NRG1: variants seen among roughly 807,000 people sequenced by gnomAD.
NRG1 encodes pro-neuregulin-1, membrane-bound isoform.
In NRG1, 18 loss-of-function variants were observed where a neutral mutation model predicts 63.8. The ratio of observed to expected loss-of-function variants is 0.28; its 90% confidence interval spans 0.19 to 0.42. NRG1 has a LOEUF of 0.42. Ranked by LOEUF, NRG1 falls within the 10% of genes least tolerant of loss-of-function variation. NRG1 has a pLI of 1.00. For synonymous variants in NRG1, 302 were observed against 301.3 expected (o/e 1.00, Z -0.02); for missense variants, 762 against 814.7 (o/e 0.94, Z 0.79).
chr8:32,227,528 C>A (rs1193095456), intron 1 of NRG1, among the ~76,000 whole-genome samples: 1 of 152,130 alleles, frequency 6.6e-6, no homozygotes, highest in African/African-American at 2.4e-5. Flanking sequence ...CTGTTAAAGT[C>A]TTTGAGAACT....
intron 1 of NRG1, among the ~76,000 whole-genome samples, chr8:32,038,287 C>G (rs978746227): frequency 6.6e-6 from 1 of 152,154 alleles, no homozygotes; most frequent in Non-Finnish European, 1.5e-5. Context: ...CCTGCTTTTC[C>G]TCACTGTCTG....
At chr8:31,984,921 T>TG (rs1421385315) in intron 1 of NRG1, among the ~76,000 whole-genome samples, 2 of 152,224 alleles carry the variant, frequency 1.3e-5, no homozygotes, top group East Asian at 3.9e-4. Context: ...GCATTTGCAC[T>TG]GGGGGTCGTT....
chr8:32,605,909 A>C (rs1357250888), intron 3 of NRG1, among the ~76,000 whole-genome samples: 1 of 152,064 alleles, frequency 6.6e-6, no homozygotes, highest in African/African-American at 2.4e-5. Context: ...AAAGGATTTT[A>C]ATAAGGCCAT....
chr8:32,596,458 G>A (rs112638536), intron 2 of NRG1, among the ~76,000 whole-genome samples: 10 of 151,930 alleles, frequency 6.6e-5, no homozygotes, highest in Non-Finnish European at 1.5e-4. Flanking sequence ...ACAAAAAGTA[G>A]CTGGGAGTGG....
At chr8:31,831,658 C>T (rs1328399079) in intron 1 of NRG1, among the ~76,000 whole-genome samples, 1 of 152,108 alleles carries the variant, frequency 6.6e-6, no homozygotes, top group African/African-American at 2.4e-5. Context: ...ATGGAGAGGA[C>T]TAGTTCTTCT....
At chr8:32,267,830 G>A (rs16879068) in intron 1 of NRG1, among the ~76,000 whole-genome samples, 17,471 of 152,084 alleles carry the variant, frequency 0.11, 1,315 homozygotes, top group African/African-American at 0.21. Context: ...GAAAACCATC[G>A]TGCATTTTCC....
At chr8:32,173,506 T>G (rs1429653880) in intron 1 of NRG1, among the ~76,000 whole-genome samples, 1 of 152,062 alleles carries the variant, frequency 6.6e-6, no homozygotes, top group Non-Finnish European at 1.5e-5. Flanking sequence ...ACCTTAAATG[T>G]AAATGGGCTA....
At chr8:32,721,933 A>G (rs974248512) in intron 5 of NRG1, 3 of 1,520,566 alleles carry the variant, frequency 2.0e-6, no homozygotes, top group Non-Finnish European at 2.6e-6. Context: ...ACCTAATTGC[A>G]AAGGAGCTAT....
At chr8:32,501,489 C>T (rs1451041488) in intron 1 of NRG1, among the ~76,000 whole-genome samples, 1 of 152,084 alleles carries the variant, frequency 6.6e-6, no homozygotes, top group East Asian at 1.9e-4. Flanking sequence ...TTCCAGGGGC[C>T]CTCTGGGAAA....
At chr8:32,763,837 C>T (rs1831139911) in exon 12 of NRG1, 1 of 1,613,690 alleles carries the variant, frequency 6.2e-7, no homozygotes, top group Non-Finnish European at 8.5e-7. Context: ...TCGGAAATGT[C>T]TCCACCCGTG....
chr8:31,997,985 A>T (rs1252249555), intron 1 of NRG1, among the ~76,000 whole-genome samples: 2 of 152,046 alleles, frequency 1.3e-5, no homozygotes. Flanking sequence ...TGCATGCTTA[A>T]TCACCATCCT....
chr8:32,658,581 C>G (rs1802072088), intron 5 of NRG1, among the ~76,000 whole-genome samples: 1 of 150,996 alleles, frequency 6.6e-6, no homozygotes, highest in African/African-American at 2.4e-5. Context: ...AGCTTTAAGC[C>G]ACCTTAGAGA....
At chr8:31,954,352 G>A (rs182230936) in intron 1 of NRG1, among the ~76,000 whole-genome samples, 34 of 152,332 alleles carry the variant, frequency 2.2e-4, no homozygotes, top group Non-Finnish European at 4.9e-4. Context: ...TTTTACTGGA[G>A]AGAGAGGTTG....
At chr8:31,800,837 C>CTTTTTTTTTTTTTTTTTTTT (rs5890598) in intron 1 of NRG1, among the ~76,000 whole-genome samples, 7 of 105,040 alleles carry the variant, frequency 6.7e-5, no homozygotes, top group African/African-American at 2.6e-4. Context: ...AGTCTCCTTT[C>CTTTTTTTTTTTTTTTTTTTT]TTTTTTTTTT....
chr8:31,884,968 C>T (rs1226465015), intron 1 of NRG1, among the ~76,000 whole-genome samples: 1 of 152,032 alleles, frequency 6.6e-6, no homozygotes, highest in African/African-American at 2.4e-5. Context: ...AAATGCACAT[C>T]AGTTTATCAG....
chr8:32,070,806 A>G (rs1039601471), intron 1 of NRG1, among the ~76,000 whole-genome samples: 1 of 152,198 alleles, frequency 6.6e-6, no homozygotes, highest in East Asian at 1.9e-4. Context: ...CTTATAAAGG[A>G]CCAGTGGATT....
rs573925581 is a variant in NRG1 at position 31,803,578 on chromosome 8, T to C, written c.37+164147T>C. 5.2e-4 allele frequency among the ~76,000 whole-genome samples: 79 copies of C among 152,334 alleles called. 1 individual carries two copies. The highest frequency in any genetic ancestry group is 5.1e-4 in the Non-Finnish European group (35 of 68,026). On this transcript the variant is annotated intron_variant, in intron 1 of 10. Coordinates refer to the NRG1 transcript ENST00000519301. Reference sequence around the variant, plus strand: ...CACACTGCTACCCACCAAAATCCCATGCCTTGAATGTAAATAATCTTAGAG... The same window carrying C: ...CACACTGCTACCCACCAAAATCCCACGCCTTGAATGTAAATAATCTTAGAG...
downstream of NRG1, among the ~76,000 whole-genome samples, chr8:32,770,410 T>C (rs1388369726): frequency 6.6e-6 from 1 of 152,146 alleles, no homozygotes; most frequent in Non-Finnish European, 1.5e-5. Context: ...TGACTGCAAA[T>C]CCAGTTTCTT....
At chr8:31,661,360 C>A (rs998066142) in intron 1 of NRG1, among the ~76,000 whole-genome samples, 2 of 152,142 alleles carry the variant, frequency 1.3e-5, no homozygotes, top group African/African-American at 4.8e-5. Flanking sequence ...CCTAAGTGAA[C>A]TAGTCCCCAG....
Sources: gnomAD v4.1 joint callset for allele counts (sites outside exome capture counted in the v4.1 genomes callset) on GRCh38, gnomAD v4.1.1 for gene constraint, MANE v1.5 for transcripts, NCBI Gene and HGNC (gene_info 2026-07-23, HGNC 2026-07-21) for gene names.